MALRD1: variants seen among roughly 807,000 people sequenced by gnomAD.
MALRD1 encodes the protein MAM and LDL-receptor class A domain-containing protein 1.
A neutral mutation model predicts 242.1 loss-of-function variants in MALRD1; 247 were observed. That is an observed-to-expected ratio of 1.02 (90% CI 0.92 to 1.13). The LOEUF (loss-of-function observed/expected upper bound fraction) is 1.13, where lower values mean the gene tolerates loss of function less well. Among genes scored for constraint, MALRD1 ranks in the 50% most tolerant of loss-of-function variants. The pLI, the probability that MALRD1 is intolerant of heterozygous loss-of-function variation, is 0.00. For missense variants in MALRD1, 2,989 were observed against 2,533.1 expected (o/e 1.18, Z -3.86); for synonymous variants, 995 against 866.6 (o/e 1.15, Z -2.60).
In MALRD1 at chr10:19,278,843, TATA is replaced by T. The variant is rs1355453586; in HGVS notation, c.3080-1199_3080-1197del. ...CAATGCAGATATAATAAGCAAATGA[TATA>T]ATAAGCAAATTAACATAAGCAAATT... On this transcript the variant is annotated intron_variant, in intron 19 of 39. Coordinates refer to ENST00000454679, the MANE Select transcript of MALRD1 (RefSeq NM_001142308.3). Among the ~76,000 whole-genome samples, 6 of 152,258 alleles carry T rather than the reference TATA, an allele frequency of 3.9e-5. No homozygotes were observed. In the South Asian group the frequency reaches 6.3e-4, roughly 16 times the overall value.
chr10:19,304,001 G>A (rs1414722262), intron 21 of MALRD1, among the ~76,000 whole-genome samples: 1 of 151,646 alleles, frequency 6.6e-6, no homozygotes, highest in Non-Finnish European at 1.5e-5. Flanking sequence ...CAACTTGACT[G>A]GGTTAAGGGA....
chr10:19,054,404 AT>A lies in MALRD1; in HGVS notation c.199+5275del, dbSNP rs372320056. ...TGCAAGTCCATTGCCTCACTTATCAATTTTTTTTGTGACAAGACATTGAAAT... is the reference window on the plus strand; with the variant it reads ...TGCAAGTCCATTGCCTCACTTATCAATTTTTTTGTGACAAGACATTGAAAT... On this transcript the variant is annotated intron_variant, in intron 1 of 39. Coordinates refer to ENST00000454679, the MANE Select transcript of MALRD1 (RefSeq NM_001142308.3). Among the ~76,000 whole-genome samples the A allele has an allele frequency of 2.5e-4, 38 of 151,838 alleles. No individual in the cohort carries two copies. In the South Asian group the frequency reaches 7.3e-3, roughly 29 times the overall value.
chr10:19,253,125 A>G lies in MALRD1; in HGVS notation c.2992-4559A>G, dbSNP rs919035953. Among the ~76,000 whole-genome samples, 3 of 151,942 alleles carry G rather than the reference A, an allele frequency of 2.0e-5. No individual in the cohort carries two copies. The South Asian group carries it at 6.2e-4, about 31-fold the overall frequency. ...GTAATGCCTTTCATTCTGTTTGTGC[A>G]TTTTTGATTATTGGAAAATCCAATG... On this transcript the variant is annotated intron_variant, in intron 18 of 39. Coordinates refer to ENST00000454679, the MANE Select transcript of MALRD1 (RefSeq NM_001142308.3).
Position 19,331,593 on chromosome 10 carries a change from G to T in MALRD1, c.3901+11G>T. ...CTACTTTCATTTGCCGTAAGTAAAAGGGTTCTGTTTTCTTACTTTTGCCTT... is the reference window on the plus strand; with the variant it reads ...CTACTTTCATTTGCCGTAAGTAAAATGGTTCTGTTTTCTTACTTTTGCCTT... On this transcript the variant is annotated intron_variant, in intron 24 of 39. Transcript: ENST00000454679. The T allele has an allele frequency of 1.3e-6, 2 of 1,547,318 alleles. No individual in the cohort carries two copies. The highest frequency in any genetic ancestry group is 1.2e-5 in the South Asian group (1 of 83,964).
At chr10:19,165,892 T>A in intron 13 of MALRD1, 82 bp downstream of exon 13, 1 of 1,031,104 alleles carries the variant, frequency 9.7e-7, no homozygotes, top group East Asian at 3.3e-5. Flanking sequence ...ATAACACACA[T>A]AGCTCATACC....
intron 27 of MALRD1, chr10:19,389,073 A>T (rs1031617018): frequency 2.9e-6 from 1 of 350,876 alleles, no homozygotes; most frequent in African/African-American, 2.1e-5. Context: ...GAGATGACTA[A>T]ATTTTTAAAA....
At chr10:19,312,955 A>G (rs1388453302) in intron 21 of MALRD1, among the ~76,000 whole-genome samples, 2 of 151,502 alleles carry the variant, frequency 1.3e-5, no homozygotes, top group Non-Finnish European at 3.0e-5. Flanking sequence ...CAAGAGGTCA[A>G]GAATTTAGTA....
intron 2 of MALRD1, among the ~76,000 whole-genome samples, chr10:19,083,504 T>C (rs1387715798): frequency 6.6e-6 from 1 of 152,036 alleles, no homozygotes; most frequent in Non-Finnish European, 1.5e-5. Flanking sequence ...GACTATGAAG[T>C]TATAACACTT....
At chr10:19,355,295 AT>A (rs1844569931) in intron 26 of MALRD1, among the ~76,000 whole-genome samples, 2 of 152,214 alleles carry the variant, frequency 1.3e-5, no homozygotes, top group Admixed American at 1.3e-4. Flanking sequence ...TATCAGTTTA[AT>A]TTTTTCTCAA....
At chr10:19,387,233 C>T (rs1846117769) in intron 26 of MALRD1, among the ~76,000 whole-genome samples, 2 of 150,686 alleles carry the variant, frequency 1.3e-5, no homozygotes, top group African/African-American at 2.4e-5. Flanking sequence ...TCCTTGAACA[C>T]AGTTTACAAG....
intron 7 of MALRD1, among the ~76,000 whole-genome samples, chr10:19,125,286 T>C (rs897001363): frequency 2.1e-4 from 23 of 112,194 alleles, no homozygotes; most frequent in African/African-American, 7.2e-4. Flanking sequence ...TCTTTCTTTC[T>C]TTCTTTCCTT....
chr10:19,277,985 A>T (rs947333323), intron 19 of MALRD1, among the ~76,000 whole-genome samples: 1 of 152,138 alleles, frequency 6.6e-6, no homozygotes, highest in Non-Finnish European at 1.5e-5. Flanking sequence ...CATGCTTCAC[A>T]CTGATGCCAA....
chr10:19,209,328 A>T lies in MALRD1; in HGVS notation c.2639A>T (p.Asp880Val). 1 of 1,549,956 alleles carries T rather than the reference A, an allele frequency of 6.5e-7. No individual in the cohort carries two copies. Among genetic ancestry groups the T allele is most frequent in the Non-Finnish European group, 8.7e-7 (1 of 1,146,762 alleles). Residue 880 changes from aspartate (D) to valine (V), a missense_variant, in exon 18 of 40, where the codon GAT (aspartate) becomes GTT (valine). By Grantham distance (152) the Asp-to-Val change is radical. Transcript: ENST00000454679. ...GICNWEQDAK[D>V]DFDWTRSQGP... Reference sequence around the variant, plus strand: ...TGTAACTGGGAACAAGATGCAAAAGATGACTTTGATTGGACCAGGAGCCAG... The same window carrying T: ...TGTAACTGGGAACAAGATGCAAAAGTTGACTTTGATTGGACCAGGAGCCAG...
Position 19,607,901 on chromosome 10 carries a change from C to A in MALRD1, c.6069C>A (p.Ser2023=), listed in dbSNP as rs7909976. The part of the protein sequence containing the change: ...MDFQLDESSC[S]ECPLNYCRNG... ...TCCAGCTTGATGAGTCCAGCTGCTC[C>A]GGTACCCCATTTCCATTCAGATATT... is the stretch of plus-strand genomic sequence containing the variant. Residue 2023 remains serine, a splice_region_variant and synonymous_variant, in exon 35 of 40, where the codon TCC becomes TCA. Transcript: ENST00000454679. 0.88 allele frequency: 1,370,250 copies of A among 1,549,102 alleles called. 607,508 individuals carry two copies. Among genetic ancestry groups the A allele is most frequent in the Admixed American group, 0.92 (46,720 of 50,920 alleles).
chr10:19,506,546 G>A (rs1216038286), intron 31 of MALRD1, among the ~76,000 whole-genome samples: 1 of 151,926 alleles, frequency 6.6e-6, no homozygotes, highest in East Asian at 1.9e-4. Flanking sequence ...TCATACAAGT[G>A]CAACCATTTT....
intron 29 of MALRD1, among the ~76,000 whole-genome samples, chr10:19,478,201 T>A (rs1836830428): frequency 6.6e-6 from 1 of 152,234 alleles, no homozygotes; most frequent in South Asian, 2.1e-4. Context: ...CATTATTGTT[T>A]TGAACAGATA....
At chr10:19,407,900 T>C (rs1833107250) in intron 28 of MALRD1, among the ~76,000 whole-genome samples, 1 of 152,170 alleles carries the variant, frequency 6.6e-6, no homozygotes, top group Non-Finnish European at 1.5e-5. Flanking sequence ...TAAGCAAAAA[T>C]GTTCAAAGCA....
At chr10:19,520,190 G>A (rs554394685) in intron 31 of MALRD1, among the ~76,000 whole-genome samples, 10 of 152,090 alleles carry the variant, frequency 6.6e-5, no homozygotes, top group Admixed American at 2.6e-4. Flanking sequence ...ATTGAAACTC[G>A]TGTGTATCTA....
At chr10:19,483,857 A>T (rs948393794) in intron 29 of MALRD1, among the ~76,000 whole-genome samples, 1 of 152,188 alleles carries the variant, frequency 6.6e-6, no homozygotes, top group Non-Finnish European at 1.5e-5. Context: ...TCTCAATAGC[A>T]AGGACATGGA....
Sources: allele counts gnomAD v4.1 joint callset (sites outside exome capture counted in the v4.1 genomes callset), GRCh38; gene constraint gnomAD v4.1.1; transcripts MANE v1.5; gene names NCBI Gene and HGNC (gene_info 2026-07-23, HGNC 2026-07-21).